Variants in PHRF1 observed in about 807,000 individuals in gnomAD.
PHRF1 encodes the protein PHD and RING finger domain-containing protein 1.
In PHRF1, 53 loss-of-function variants were observed where a neutral mutation model predicts 128.9. The ratio of observed to expected loss-of-function variants is 0.41; its 90% CI spans 0.33 to 0.52. The LOEUF (loss-of-function observed/expected upper bound fraction) is 0.52, where lower values mean the gene tolerates loss of function less well. PHRF1 is among the 20% of genes least tolerant of loss of function. The pLI is 0.21. For missense variants in PHRF1, 2,503 were observed against 2,284.5 expected, an observed-to-expected ratio of 1.10 and a Z score of -1.95; for synonymous variants, 1,178 against 980.6, an observed-to-expected ratio of 1.20 and a Z score of -3.76.
rs775536771 is a variant in PHRF1 at position 581,488 on chromosome 11, TC to T, written c.-21-3del. On this transcript the variant is annotated splice_polypyrimidine_tract_variant and splice_region_variant and intron_variant, in intron 1 of 17. Transcript: ENST00000264555. ...GGAAGTTGCTTGGCTCTTCTTTCTT[TC>T]AGAGCTGAGCTCAATGTGCAGCAAT... 1 of 1,612,442 alleles carries T rather than the reference TC, an allele frequency of 6.2e-7. No homozygotes were observed. The highest frequency in any genetic ancestry group is 1.1e-5 in the South Asian group (1 of 90,958).
chr11:605,316 A>C lies in PHRF1; in HGVS notation c.1334+16A>C. ...CCTTCGACAGGTGAGTGAACTGGTG[A>C]TGGTCCTGCCTGGGCACCCGCTCCT... On this transcript the variant is annotated intron_variant, in intron 11 of 17. Coordinates refer to ENST00000264555, the MANE Select transcript of PHRF1 (RefSeq NM_001286581.2). The C allele has an allele frequency of 6.2e-7, 1 of 1,609,996 alleles. No homozygotes were observed. Among genetic ancestry groups the C allele is most frequent in the Non-Finnish European group, 8.5e-7 (1 of 1,177,154 alleles).
intron 4 of PHRF1, among the ~76,000 whole-genome samples, chr11:587,826 C>G (rs1294431849): frequency 1.3e-5 from 2 of 152,172 alleles, no homozygotes; most frequent in Non-Finnish European, 2.9e-5. Flanking sequence ...GTGGTTCTCT[C>G]AGTTGATACA....
chr11:596,067 C>T (rs1457078175), intron 6 of PHRF1, among the ~76,000 whole-genome samples: 1 of 152,200 alleles, frequency 6.6e-6, no homozygotes, highest in Non-Finnish European at 1.5e-5. Context: ...TAACTCGTAT[C>T]TTAGATCCTA....
At chr11:592,992 T>G (rs1240696331) in intron 6 of PHRF1, among the ~76,000 whole-genome samples, 2 of 152,194 alleles carry the variant, frequency 1.3e-5, no homozygotes, top group African/African-American at 4.8e-5. Context: ...CCGGCCTTTG[T>G]GGGGGAGGGG....
chr11:580,757 C>T (rs1468580497), intron 1 of PHRF1, among the ~76,000 whole-genome samples: 1 of 152,178 alleles, frequency 6.6e-6, no homozygotes, highest in Non-Finnish European at 1.5e-5. Flanking sequence ...GGCGCGATCT[C>T]GGCTCACTGC....
chr11:591,524 G>T, intron 5 of PHRF1, 57 bp downstream of exon 5: 2 of 1,404,866 alleles, frequency 1.4e-6, no homozygotes, highest in South Asian at 1.3e-5. Context: ...GGCCCTGTGG[G>T]ACAGAGCATG....
intron 6 of PHRF1, among the ~76,000 whole-genome samples, chr11:595,809 C>T (rs963054021): frequency 2.0e-5 from 3 of 152,220 alleles, no homozygotes; most frequent in Non-Finnish European, 4.4e-5. Flanking sequence ...AGGTACTGCT[C>T]ATCCTTGCCT....
At chr11:585,980 G>T (rs1022318739) in intron 3 of PHRF1, among the ~76,000 whole-genome samples, 1 of 152,120 alleles carries the variant, frequency 6.6e-6, no homozygotes, top group Admixed American at 6.5e-5. Flanking sequence ...TCCTGTCTCA[G>T]CCTCCCAAGT....
chr11:581,940 T>A, intron 2 of PHRF1, 22 bp from the exon 3 acceptor site: 1 of 1,571,076 alleles, frequency 6.4e-7, no homozygotes, highest in Non-Finnish European at 8.6e-7. Flanking sequence ...CCCTGCGGCC[T>A]GTGTCTCACC....
At chr11:603,851 T>A (rs771586411) in intron 10 of PHRF1, among the ~76,000 whole-genome samples, 31 of 149,708 alleles carry the variant, frequency 2.1e-4, no homozygotes, top group Non-Finnish European at 3.1e-4. Context: ...CATAGGTGTG[T>A]GCTACCACGC....
chr11:582,718 G>A (rs1854279498), intron 3 of PHRF1, among the ~76,000 whole-genome samples: 1 of 151,680 alleles, frequency 6.6e-6, no homozygotes, highest in South Asian at 2.1e-4. Flanking sequence ...TAGAGATGGG[G>A]TTTCACCGCG....
chr11:597,727 A>AC lies in PHRF1; in HGVS notation c.894+161dup, dbSNP rs1855380875. 2.0e-5 allele frequency among the ~76,000 whole-genome samples: 3 copies of AC among 152,030 alleles called. No individual in the cohort carries two copies. The highest frequency in any genetic ancestry group is 7.2e-5 in the African/African-American group (3 of 41,468). ...CCTGCTGAGGGGAGCAGATGAGTGC[A>AC]CCCCAGGGTGACCCCAGCGGCCCAA... is the stretch of plus-strand genomic sequence containing the variant. On this transcript the variant is annotated intron_variant, in intron 8 of 17. Transcript: ENST00000264555. This position sits in a 1 kb window ranked among gnomAD's most constrained non-coding sequence, Gnocchi z 6.5.
chr11:581,357 C>T (rs1854190807), intron 1 of PHRF1, 135 bp from the exon 2 acceptor site: 1 of 688,058 alleles, frequency 1.5e-6, no homozygotes, highest in Non-Finnish European at 2.5e-6. Flanking sequence ...GGTGATATCT[C>T]AGGGCTCACT....
chr11:576,715 C>T (rs1853851278), intron 1 of PHRF1, 123 bp downstream of exon 1: 1 of 143,498 alleles, frequency 7.0e-6, no homozygotes, highest in African/African-American at 2.5e-5. Flanking sequence ...GCGCTGGCCG[C>T]GGGCCGGGAG....
chr11:607,304 G>C lies in PHRF1; in HGVS notation c.1848G>C (p.Leu616Phe). ...AAPGAVQARN[L>F]SNGSVPGFRQ... ...CTGGGGCGGTTCAGGCTCGGAACTT[G>C]TCAAATGGGAGTGTGCCTGGCTTCA... The change falls in exon 14 of 18, where the codon TTG becomes TTC. Residue 616 changes from leucine (L) to phenylalanine (F), a missense_variant. Transcript: ENST00000264555. 9 of 1,612,716 alleles carry C rather than the reference G, an allele frequency of 5.6e-6. No individual in the cohort carries two copies. The highest frequency in any genetic ancestry group is 7.6e-6 in the Non-Finnish European group (9 of 1,179,888).
At chr11:611,511 G>A in intron 17 of PHRF1, 123 bp from the exon 18 acceptor site, 1 of 1,387,046 alleles carries the variant, frequency 7.2e-7, no homozygotes, top group East Asian at 2.4e-5. Flanking sequence ...CCGTCTGTCT[G>A]CGTGCTGCAC....
At chr11:585,221 T>A (rs112419341) in intron 3 of PHRF1, among the ~76,000 whole-genome samples, 2 of 151,452 alleles carry the variant, frequency 1.3e-5, no homozygotes, top group African/African-American at 4.9e-5. Flanking sequence ...CCTTTCCAGC[T>A]TGAGGTAGTA....
At chr11:577,212 G>A (rs2134149238) in intron 1 of PHRF1, among the ~76,000 whole-genome samples, 1 of 152,334 alleles carries the variant, frequency 6.6e-6, no homozygotes, top group East Asian at 1.9e-4. Flanking sequence ...CCGTTTTACA[G>A]AGGAGGGGAT....
Position 608,489 on chromosome 11 carries a change from C to G in PHRF1, c.3033C>G (p.Ser1011=). The G allele has an allele frequency of 6.2e-7, 1 of 1,612,410 alleles. No individual in the cohort carries two copies. Among genetic ancestry groups the G allele is most frequent in the Non-Finnish European group, 8.5e-7 (1 of 1,179,814 alleles). The change falls in exon 14 of 18, where the codon TCC becomes TCG. Residue 1011 remains serine, a synonymous_variant. Transcript: ENST00000264555. ...SRKKAKRKRV[S]REHGRTRSGT... ...AGAAGGCCAAGAGGAAGAGGGTGTC[C>G]AGGGAGCACGGACGGACGCGCTCTG...
Sources: allele counts gnomAD v4.1 joint callset (sites outside exome capture counted in the v4.1 genomes callset), GRCh38; gene constraint gnomAD v4.1.1; non-coding constraint Gnocchi (gnomAD v3.1); transcripts MANE v1.5; gene names NCBI Gene and HGNC (gene_info 2026-07-23, HGNC 2026-07-21).